NOS3: variants seen among roughly 807,000 people sequenced by gnomAD.
The protein encoded by NOS3 is NOS type III.
Under a neutral mutation model 144.9 loss-of-function variants are expected in NOS3, and 98 were observed. That is an observed-to-expected ratio of 0.68 (90% confidence interval 0.57 to 0.80). The LOEUF is 0.80. NOS3 is among the 30% of genes least tolerant of loss of function. The pLI is 0.00. For missense variants in NOS3, 1,465 were observed against 1,656.4 expected (o/e 0.88, Z 2.01); for synonymous variants, 714 against 702.4 (o/e 1.02, Z -0.26).
At position 150,996,871 on chromosome 7, in the gene NOS3, G is replaced by A. The variant is rs1426501562; in HGVS notation, c.528G>A (p.Gln176=). 1 of 1,590,966 alleles carries A rather than the reference G, an allele frequency of 6.3e-7. No homozygotes were observed. The highest frequency in any genetic ancestry group is 8.5e-7 in the Non-Finnish European group (1 of 1,169,730). Residue 176 remains glutamine, a synonymous_variant, in exon 5 of 27, where the codon CAG becomes CAA. Transcript: ENST00000297494. ...GCGAGCTGGTGTTCGGGGCTAAGCA[G>A]GCCTGGCGCAACGCTCCCCGCTGCG... ...RESELVFGAK[Q]AWRNAPRCVG... is the part of the protein sequence containing the mutation.
chr7:151,013,454 A>G, intron 25 of NOS3, 75 bp downstream of exon 25: 2 of 1,517,142 alleles, frequency 1.3e-6, no homozygotes, highest in Non-Finnish European at 1.8e-6. Flanking sequence ...CCAGCGGGGC[A>G]CACCAACCAC....
intron 3 of NOS3, 95 bp downstream of exon 3, chr7:150,995,409 T>C (rs1017267028): frequency 1.3e-6 from 1 of 749,718 alleles, no homozygotes; most frequent in African/African-American, 1.8e-5. Context: ...CAACCCTTCT[T>C]TGAATTGGTC....
intron 17 of NOS3, among the ~76,000 whole-genome samples, chr7:151,007,747 C>T (rs952064032): frequency 7.2e-5 from 11 of 152,234 alleles, no homozygotes; most frequent in African/African-American, 2.2e-4. Context: ...CAGAACTGGT[C>T]CCGGGCCGGG....
Position 150,999,286 on chromosome 7 carries a change from C to T in NOS3, c.1053C>T (p.Ala351=), listed in dbSNP as rs555409752. The change falls in exon 9 of 27, where the codon GCC becomes GCT. Residue 351 remains alanine (A), a synonymous_variant. Coordinates refer to ENST00000297494, the MANE Select transcript of NOS3 (RefSeq NM_000603.5). ...LEIGGLEFPA[A]PFSGWYMSTE... ...TTGGGGGCCTGGAGTTCCCCGCAGC[C>T]CCCTTCAGTGGCTGGTACATGAGCA... 14 of 1,612,062 alleles carry T rather than the reference C, an allele frequency of 8.7e-6. 1 individual carries two copies. The Admixed American group carries it at 2.3e-4, about 27-fold the overall frequency.
In NOS3 at chr7:150,999,014, C is replaced by A; in HGVS notation, c.885C>A (p.Ala295=). Residue 295 remains alanine (A), a synonymous_variant, in exon 8 of 27, where the codon GCC becomes GCA. Coordinates refer to ENST00000297494, the MANE Select transcript of NOS3 (RefSeq NM_000603.5). ...RFDVLPLLLQ[A]PDDPPELFLL... is the part of the protein sequence containing the mutation. ...ACGTGCTGCCCCTGCTGCTGCAGGC[C>A]CCAGATGATCCCCCAGAACTCTTCC... 6.2e-7 allele frequency: 1 copy of A among 1,612,592 alleles called. No homozygotes were observed. Among genetic ancestry groups the A allele is most frequent in the African/African-American group, 1.3e-5 (1 of 75,024 alleles).
Position 151,010,762 on chromosome 7 carries a change from G to C in NOS3, c.2851G>C (p.Gly951Arg), listed in dbSNP as rs754262253. ...CAGCTCGGCACCCAGCACCCACCCA[G>C]GAGAGATCCACCTCACTGTAGCTGT... The part of the protein sequence containing the change: ...SVSSAPSTHP[G>R]EIHLTVAVLA... Residue 951 changes from glycine to arginine, a missense_variant, in exon 22 of 27, where the codon GGA becomes CGA. Gly to Arg is a moderately radical substitution (Grantham distance 125). Coordinates refer to ENST00000297494, the MANE Select transcript of NOS3 (RefSeq NM_000603.5). 2 of 1,613,500 alleles carry C rather than the reference G, an allele frequency of 1.2e-6. No individual in the cohort carries two copies. Among genetic ancestry groups the C allele is most frequent in the South Asian group, 2.2e-5 (2 of 90,978 alleles).
chr7:151,002,236 G>T lies in NOS3; in HGVS notation c.1684G>T (p.Glu562Ter), dbSNP rs751831161. The T allele has an allele frequency of 6.2e-7, 1 of 1,601,382 alleles. No individual in the cohort carries two copies. Among genetic ancestry groups the T allele is most frequent in the East Asian group, 2.2e-5 (1 of 44,622 alleles). The change falls in exon 14 of 27, where the codon GAA (glutamate) becomes TAA (stop). Residue 562 changes from glutamate to a stop codon, truncating the protein, a stop_gained. Coordinates refer to ENST00000297494, the MANE Select transcript of NOS3 (RefSeq NM_000603.5). LOFTEE classifies it high-confidence loss of function. The surrounding 1 kb of genome is among the most constrained non-coding windows in gnomAD (Gnocchi z 4.1). ...CMDEYDVVSL[E>*]HETLVLVVTS... ...GGATGAGTATGACGTGGTGTCCCTC[G>T]AACACGAGACGCTGGTGCTGGTGGT...
Position 151,013,812 on chromosome 7 carries a change from G to A in NOS3, c.3344G>A (p.Gly1115Asp). 1 of 1,610,206 alleles carries A rather than the reference G, an allele frequency of 6.2e-7. No individual in the cohort carries two copies. The highest frequency in any genetic ancestry group is 1.1e-5 in the South Asian group (1 of 90,348). ...GAGCGGGGCCACATGTTTGTCTGCGGCGATGTTACCATGGCAACCAACGTC... is the reference window on the plus strand; with the variant it reads ...GAGCGGGGCCACATGTTTGTCTGCGACGATGTTACCATGGCAACCAACGTC... ...CLERGHMFVC[G>D]DVTMATNVLQ... is the part of the protein sequence containing the mutation. Residue 1115 changes from glycine (G) to aspartate (D), a missense_variant, in exon 26 of 27, where the codon GGC becomes GAC. This residue lies in a region of NOS3 where 228 missense variants were observed against 227.7 expected (regional missense o/e 1.00). Transcript: ENST00000297494.
rs776130899 is a variant in NOS3, at chr7:151,010,182, C to T, written c.2580C>T (p.Thr860=). 41 of 1,611,796 alleles carry T rather than the reference C, an allele frequency of 2.5e-5. No individual in the cohort carries two copies. The highest frequency in any genetic ancestry group is 3.0e-5 in the Non-Finnish European group (35 of 1,179,676). Residue 860 remains threonine, a synonymous_variant, in exon 21 of 27, where the codon ACC becomes ACT. Coordinates refer to ENST00000297494, the MANE Select transcript of NOS3 (RefSeq NM_000603.5). ...LPPCTLRQAL[T]FFLDITSPPS... ...CGTGCACGCTGCGCCAGGCTCTCAC[C>T]TTCTTCCTGGACATCACCTCCCCAC... is the stretch of plus-strand genomic sequence containing the variant.
rs3730011 is a variant in NOS3, at chr7:151,013,304, G to C, written c.3180G>C (p.Glu1060Asp). Residue 1060 changes from glutamate to aspartate, a missense_variant, in exon 25 of 27, where the codon GAG (glutamate) becomes GAC (aspartate). By Grantham distance (45) the Glu-to-Asp change is conservative (BLOSUM62 2). This residue lies in a region of NOS3 where 228 missense variants were observed against 227.7 expected (regional missense o/e 1.00). Transcript: ENST00000297494. ...CSQLDHLYRDEVQNAQQRGVF... is the reference protein window; with the variant it reads ...CSQLDHLYRDDVQNAQQRGVF... ...AACTTGACCATCTCTACCGCGACGA[G>C]GTGCAGAACGCCCAGCAGCGCGGGG... The C allele has an allele frequency of 2.3e-5, 37 of 1,614,126 alleles. No individual in the cohort carries two copies. In the East Asian group the frequency reaches 7.8e-4, roughly 34 times the overall value.
chr7:151,003,136 T>C lies in NOS3; in HGVS notation c.1752+832T>C, dbSNP rs1471348017. The C allele has an allele frequency of 2.0e-5, 9 of 453,310 alleles. No homozygotes were observed. The highest frequency in any genetic ancestry group is 1.1e-4 in the South Asian group (7 of 64,262). The allele number at this position is 453,310 out of a possible 1,614,324, so 28.1% of individuals were successfully genotyped here. On this transcript the variant is annotated intron_variant, in intron 14 of 26. Coordinates refer to ENST00000297494, the MANE Select transcript of NOS3 (RefSeq NM_000603.5). The surrounding 1 kb of genome is among the most constrained non-coding windows in gnomAD (Gnocchi z 4.1). The stretch of plus-strand genomic sequence containing the variant: ...ACTTCCTCAGTACTCTTTTTTCTTT[T>C]TTCCTTTGAGACAGGGTCTCACTTT...
At chr7:150,994,223 C>A (rs1050300662) in intron 2 of NOS3, among the ~76,000 whole-genome samples, 1 of 152,284 alleles carries the variant, frequency 6.6e-6, no homozygotes, top group Middle Eastern at 3.4e-3. Context: ...CCGCCAGGAG[C>A]TGTTTGACTT....
At chr7:151,010,841 G>T (rs1173198356) in intron 22 of NOS3, 34 bp downstream of exon 22, 1 of 1,606,372 alleles carries the variant, frequency 6.2e-7, no homozygotes, top group Admixed American at 1.7e-5. Context: ...CCTGGCCACA[G>T]CAGGGTTGGG....
intron 17 of NOS3, 60 bp downstream of exon 17, chr7:151,007,336 A>C (rs1368088766): frequency 5.5e-5 from 82 of 1,491,652 alleles, no homozygotes; most frequent in Non-Finnish European, 6.4e-5. Context: ...CTCCTGCCTC[A>C]CTCTGCCCTG....
At position 151,003,323 on chromosome 7, in the gene NOS3, G is replaced by A. The variant is rs1030530404; in HGVS notation, c.1752+1019G>A. On this transcript the variant is annotated intron_variant, in intron 14 of 26. Transcript: ENST00000297494. The surrounding 1 kb of genome is among the most constrained non-coding windows in gnomAD (Gnocchi z 4.1). ...GTATTTTTTATAGAGATGGGGTTTC[G>A]CCATGTTGCCCAGGCTGGTCTCTAA... 4.6e-5 allele frequency: 31 copies of A among 672,976 alleles called. No individual in the cohort carries two copies. The highest frequency in any genetic ancestry group is 3.2e-4 in the African/African-American group (17 of 53,464). The allele number at this position is 672,976 out of a possible 1,614,324, so 41.7% of individuals were successfully genotyped here. A position where few individuals can be genotyped will look rare whatever the true frequency, so the allele number is the denominator to read the frequency against.
At chr7:150,992,478 CA>C (rs1358559792) in intron 1 of NOS3, among the ~76,000 whole-genome samples, 1 of 152,148 alleles carries the variant, frequency 6.6e-6, no homozygotes, top group Non-Finnish European at 1.5e-5. Context: ...CCTCCTGAGA[CA>C]GGGGCAGCAG....
At position 151,002,397 on chromosome 7, in the gene NOS3, C is replaced by T. The variant is rs560775852; in HGVS notation, c.1752+93C>T. The T allele has an allele frequency of 3.4e-6, 1 of 292,806 alleles. No individual in the cohort carries two copies. Among genetic ancestry groups the T allele is most frequent in the South Asian group, 4.7e-5 (1 of 21,206 alleles). 18.1% of individuals were successfully genotyped at this position (292,806 alleles called of 1,614,324 possible). On this transcript the variant is annotated intron_variant, in intron 14 of 26. Transcript: ENST00000297494. The surrounding 1 kb of genome is among the most constrained non-coding windows in gnomAD (Gnocchi z 4.1). Reference sequence around the variant, plus strand: ...AACCTCTGCCCAACACACACACACACACACACACACACACACACACACACA... The same window carrying T: ...AACCTCTGCCCAACACACACACACATACACACACACACACACACACACACA...
chr7:151,009,354 A>G, intron 19 of NOS3, 44 bp from the exon 20 acceptor site: 2 of 399,876 alleles, frequency 5.0e-6, no homozygotes, highest in Non-Finnish European at 7.9e-6. Flanking sequence ...TCCCGCCCCC[A>G]CCCCTCTCTG....
rs2117107770 is a variant in NOS3, at chr7:150,997,912, A to C, written c.583-445A>C. Among the ~76,000 whole-genome samples the C allele has an allele frequency of 2.0e-5, 3 of 152,250 alleles. 1 individual carries two copies. In the Middle Eastern group the frequency reaches 0.01, roughly 518 times the overall value. On this transcript the variant is annotated intron_variant, in intron 5 of 26. Transcript: ENST00000297494. ...GGCCTCCACTCAGAATGTCAGGATG[A>C]GCAGGGTCCTAGGAGGCCTCTGGTG... is the stretch of plus-strand genomic sequence containing the variant.
Sources: allele counts gnomAD v4.1 joint callset (sites outside exome capture counted in the v4.1 genomes callset), GRCh38; gene constraint gnomAD v4.1.1; regional missense constraint gnomAD v4.1.1; non-coding constraint Gnocchi (gnomAD v3.1); transcripts MANE v1.5; gene names NCBI Gene and HGNC (gene_info 2026-07-23, HGNC 2026-07-21).